The following HK2 variants were observed in gnomAD, a reference collection of about 807,000 sequenced individuals.
HK2 encodes hexokinase-2.
In HK2, 42 loss-of-function variants were observed where a neutral mutation model predicts 92.9. That is an observed-to-expected ratio of 0.45 (90% confidence interval 0.35 to 0.58). The LOEUF is 0.58. HK2 is among the 20% of genes least tolerant of loss of function. The probability of loss-of-function intolerance (pLI) is 0.00; values close to 1 mark genes in which losing one functional copy is unlikely to be tolerated. For missense variants in HK2, 978 were observed against 1,245.1 expected (o/e 0.79, Z 3.23); for synonymous variants, 422 against 468.0 (o/e 0.90, Z 1.27).
intron 2 of HK2, among the ~76,000 whole-genome samples, chr2:74,865,161 A>G (rs888393193): frequency 1.6e-4 from 25 of 152,018 alleles, no homozygotes; most frequent in Admixed American, 4.6e-4. Flanking sequence ...GTGGCTTCCT[A>G]TGTGTGTGGA....
At position 74,891,263 on chromosome 2, in the gene HK2, G is replaced by T. The variant is rs1307862690; in HGVS notation, c.*322G>T. 6 of 373,450 alleles carry T rather than the reference G, an allele frequency of 1.6e-5. No homozygotes were observed. The highest frequency in any genetic ancestry group is 8.4e-5 in the African/African-American group (4 of 47,786). 23.1% of individuals were successfully genotyped at this position (373,450 alleles called of 1,614,324 possible). On this transcript the variant is annotated 3_prime_UTR_variant, in exon 18 of 18. Coordinates refer to ENST00000290573, the MANE Select transcript of HK2 (RefSeq NM_000189.5). ...GTCCCTGTATAATTCTACAGGATGG[G>T]GACACTAATGAAGATACGGTTGCTT...
At chr2:74,855,488 G>A (rs2103890219) in intron 2 of HK2, among the ~76,000 whole-genome samples, 1 of 152,220 alleles carries the variant, frequency 6.6e-6, no homozygotes, top group African/African-American at 2.4e-5. Flanking sequence ...GCCCACCTCG[G>A]CCTCCCAAAG....
chr2:74,880,810 C>T (rs1355215206), intron 10 of HK2, among the ~76,000 whole-genome samples: 2 of 152,216 alleles, frequency 1.3e-5, no homozygotes, highest in African/African-American at 2.4e-5. Flanking sequence ...TGTATGAGCT[C>T]ATTTAATCTT....
At chr2:74,874,215 G>A in intron 6 of HK2, 51 bp from the exon 7 acceptor site, 1 of 1,609,098 alleles carries the variant, frequency 6.2e-7, no homozygotes, top group Non-Finnish European at 8.5e-7. Flanking sequence ...GGGAAGAGGG[G>A]TGGGAAGGGG....
rs547018778 is a variant in HK2 at position 74,880,186 on chromosome 2, G to A, written c.1266-79G>A. 11 of 1,502,798 alleles carry A rather than the reference G, an allele frequency of 7.3e-6. No homozygotes were observed. The East Asian group carries it at 9.0e-5, about 12-fold the overall frequency. 93.1% of individuals were successfully genotyped at this position (1,502,798 alleles called of 1,614,324 possible). On this transcript the variant is annotated intron_variant, in intron 9 of 17. Coordinates refer to ENST00000290573, the MANE Select transcript of HK2 (RefSeq NM_000189.5). ...TGCCTTTTGGCATTTGGATTAAGGC[G>A]GTGGGCAACTGTCTAACTATTTGCA...
chr2:74,834,646 A>G lies in HK2; in HGVS notation c.63+3A>G, dbSNP rs764301623. The G allele has an allele frequency of 6.2e-7, 1 of 1,613,892 alleles. No individual in the cohort carries two copies. The highest frequency in any genetic ancestry group is 2.2e-5 in the East Asian group (1 of 44,852). On this transcript the variant is annotated splice_donor_region_variant and intron_variant, in intron 1 of 17. Coordinates refer to ENST00000290573, the MANE Select transcript of HK2 (RefSeq NM_000189.5). This position sits in a 1 kb window ranked among gnomAD's most constrained non-coding sequence, Gnocchi z 4.2. ...TCAACCATGACCAAGTGCAGAAGGT[A>G]AGTCAGCGCGGGCGGGGCGGCAGGC...
chr2:74,865,733 G>A (rs939166763), intron 2 of HK2, among the ~76,000 whole-genome samples: 2 of 152,076 alleles, frequency 1.3e-5, no homozygotes, highest in African/African-American at 2.4e-5. Flanking sequence ...GAATGCTGCC[G>A]TCACTGGAGC....
chr2:74,874,580 A>G, intron 7 of HK2, 131 bp downstream of exon 7: 1 of 819,148 alleles, frequency 1.2e-6, no homozygotes. Flanking sequence ...CACTGGTCAT[A>G]GGAATGTCTG....
At chr2:74,836,522 T>G (rs1249364582) in intron 1 of HK2, among the ~76,000 whole-genome samples, 1 of 152,248 alleles carries the variant, frequency 6.6e-6, no homozygotes, top group Non-Finnish European at 1.5e-5. Context: ...TTGCGATTAT[T>G]AAGCGCTGCA....
At chr2:74,862,000 C>G (rs1248276512) in intron 2 of HK2, among the ~76,000 whole-genome samples, 1 of 152,198 alleles carries the variant, frequency 6.6e-6, no homozygotes, top group Non-Finnish European at 1.5e-5. Context: ...TCTAGCCAGA[C>G]TTAAACCCTC....
chr2:74,891,678 T>G lies in HK2; in HGVS notation c.*737T>G, dbSNP rs1466045892. 2.0e-5 allele frequency: 3 copies of G among 152,342 alleles called. No individual in the cohort carries two copies. The highest frequency in any genetic ancestry group is 7.2e-5 in the African/African-American group (3 of 41,468). The allele number at this position is 152,342 out of a possible 1,614,324, so 9.4% of individuals were successfully genotyped here. A position where few individuals can be genotyped will look rare whatever the true frequency, so the allele number is the denominator to read the frequency against. Reference sequence around the variant, plus strand: ...TTTGGGGAAGGGGGAGTTTTTAGTTTGTTTTACAAATTTTTCCTGCAAAAG... The same window carrying G: ...TTTGGGGAAGGGGGAGTTTTTAGTTGGTTTTACAAATTTTTCCTGCAAAAG... On this transcript the variant is annotated 3_prime_UTR_variant, in exon 18 of 18. Transcript: ENST00000290573.
chr2:74,884,512 G>T (rs936520667), intron 12 of HK2, among the ~76,000 whole-genome samples: 3 of 151,994 alleles, frequency 2.0e-5, no homozygotes, highest in Admixed American at 6.5e-5. Flanking sequence ...GAGCTGGGTG[G>T]AGATCAGCAC....
At position 74,878,713 on chromosome 2, in the gene HK2, C is replaced by G. The variant is rs61748096; in HGVS notation, c.1057C>G (p.Arg353Gly). 2.5e-6 allele frequency: 4 copies of G among 1,606,692 alleles called. No individual in the cohort carries two copies. Among genetic ancestry groups the G allele is most frequent in the Non-Finnish European group, 3.4e-6 (4 of 1,176,656 alleles). ...EGEKDGIRKA[R>G]EVLMRLGLDP... ...GGAGAAGGATGGCATCCGGAAGGCCCGTGAGGTCCTGATGCGGTTGGGCCT... is the reference window on the plus strand; with the variant it reads ...GGAGAAGGATGGCATCCGGAAGGCCGGTGAGGTCCTGATGCGGTTGGGCCT... The change falls in exon 9 of 18, where the codon CGT (arginine) becomes GGT (glycine). Residue 353 changes from arginine to glycine, a missense_variant. Physicochemically the swap from Arg to Gly is moderately radical, Grantham distance 125 (BLOSUM62 -2). Coordinates refer to ENST00000290573, the MANE Select transcript of HK2 (RefSeq NM_000189.5).
chr2:74,840,596 G>A lies in HK2; in HGVS notation c.63+5953G>A, dbSNP rs191101851. On this transcript the variant is annotated intron_variant, in intron 1 of 17. Transcript: ENST00000290573. Reference sequence around the variant, plus strand: ...AAGCTGTGGGGGTTATGCCGGGCGCGGTGGCTCACGCCTGTAATCCCAGCA... The same window carrying A: ...AAGCTGTGGGGGTTATGCCGGGCGCAGTGGCTCACGCCTGTAATCCCAGCA... Among the ~76,000 whole-genome samples, 476 of 151,426 alleles carry A rather than the reference G, an allele frequency of 3.1e-3. 2 individuals are homozygous for A. Among genetic ancestry groups the A allele is most frequent in the Non-Finnish European group, 5.1e-3 (349 of 67,822 alleles).
rs1163375168 is a variant in HK2, at chr2:74,891,075, T to A, written c.*134T>A. On this transcript the variant is annotated 3_prime_UTR_variant, in exon 18 of 18. Transcript: ENST00000290573. ...AGAGAGGACCCCACTGGACTGGGTTTTGTCTCTGCATCTCATTGTAGAGCT... is the reference window on the plus strand; with the variant it reads ...AGAGAGGACCCCACTGGACTGGGTTATGTCTCTGCATCTCATTGTAGAGCT... 6.9e-6 allele frequency: 7 copies of A among 1,013,256 alleles called. No individual in the cohort carries two copies. The East Asian group carries it at 7.8e-5, about 11-fold the overall frequency. The allele number at this position is 1,013,256 out of a possible 1,614,324, so 62.8% of individuals were successfully genotyped here.
intron 2 of HK2, among the ~76,000 whole-genome samples, chr2:74,867,187 T>G (rs1045213651): frequency 1.5e-4 from 23 of 151,612 alleles, no homozygotes; most frequent in Non-Finnish European, 5.9e-5. Context: ...AGAATACTAC[T>G]TAGCCATAAA....
At position 74,851,283 on chromosome 2, in the gene HK2, C is replaced by T. The variant is rs551460608; in HGVS notation, c.64-3010C>T. ...ACAATGGAGAACAGGTCAGGAAAGC[C>T]GGAAGTGCCTGACAGGTGAGAAATG... On this transcript the variant is annotated intron_variant, in intron 1 of 17. Coordinates refer to ENST00000290573, the MANE Select transcript of HK2 (RefSeq NM_000189.5). Among the ~76,000 whole-genome samples the T allele has an allele frequency of 8.5e-5, 13 of 152,296 alleles. No individual in the cohort carries two copies. In the South Asian group the frequency reaches 2.1e-3, roughly 24 times the overall value.
chr2:74,848,616 T>A (rs1056401316), intron 1 of HK2, among the ~76,000 whole-genome samples: 2 of 152,336 alleles, frequency 1.3e-5, no homozygotes, highest in Admixed American at 6.5e-5. Flanking sequence ...GACTTAGACA[T>A]TGAAATTTAA....
At chr2:74,840,040 C>T (rs1329037394) in intron 1 of HK2, among the ~76,000 whole-genome samples, 2 of 147,438 alleles carry the variant, frequency 1.4e-5, no homozygotes. Flanking sequence ...ACTGCAACCT[C>T]GGCCTCCTGG....
Sources: allele counts gnomAD v4.1 joint callset (sites outside exome capture counted in the v4.1 genomes callset), GRCh38; gene constraint gnomAD v4.1.1; non-coding constraint Gnocchi (gnomAD v3.1); transcripts MANE v1.5; gene names NCBI Gene and HGNC (gene_info 2026-07-23, HGNC 2026-07-21).